The following CPNE8 variants were observed in gnomAD, a reference collection of about 807,000 sequenced individuals.
CPNE8 encodes copine-8.
Under a neutral mutation model 81.5 loss-of-function variants are expected in CPNE8, and 45 were observed. The observed-to-expected ratio is 0.55, with a 90% CI of 0.44 to 0.71. CPNE8 has a LOEUF of 0.71. Among genes scored for constraint, CPNE8 ranks in the 30% least tolerant of loss-of-function variants. The pLI, the probability that CPNE8 is intolerant of heterozygous loss-of-function variation, is 0.00. For synonymous variants in CPNE8, 252 were observed against 226.3 expected (o/e 1.11, Z -1.02); for missense variants, 594 against 672.1 (o/e 0.88, Z 1.28).
intron 16 of CPNE8, among the ~76,000 whole-genome samples, chr12:38,683,779 T>C (rs1037580759): frequency 2.0e-5 from 3 of 152,056 alleles, no homozygotes; most frequent in African/African-American, 7.2e-5. Flanking sequence ...ATGTAAAAAA[T>C]AATAAAGAAT....
At chr12:38,702,145 G>GA (rs775058882) in intron 14 of CPNE8, among the ~76,000 whole-genome samples, 9 of 151,354 alleles carry the variant, frequency 5.9e-5, no homozygotes, top group Non-Finnish European at 7.4e-5. Context: ...CCATTTGAAA[G>GA]AAAAAAAAGA....
intron 1 of CPNE8, among the ~76,000 whole-genome samples, chr12:38,881,822 A>G (rs1330671529): frequency 6.6e-6 from 1 of 152,220 alleles, no homozygotes; most frequent in Non-Finnish European, 1.5e-5. Context: ...AACTCAGGGT[A>G]ATGCAAGCTT....
At chr12:38,709,974 A>T (rs1003505719) in intron 13 of CPNE8, among the ~76,000 whole-genome samples, 1 of 152,162 alleles carries the variant, frequency 6.6e-6, no homozygotes, top group Non-Finnish European at 1.5e-5. Context: ...TGTCAAAAGT[A>T]ACAATAAAAA....
At chr12:38,758,134 C>A (rs555308822) in intron 10 of CPNE8, among the ~76,000 whole-genome samples, 20 of 138,606 alleles carry the variant, frequency 1.4e-4, no homozygotes, top group African/African-American at 5.1e-4. Context: ...TGGCACAAAT[C>A]ATCTGTGAAC....
intron 1 of CPNE8, among the ~76,000 whole-genome samples, chr12:38,901,729 A>G (rs1342352125): frequency 6.6e-6 from 1 of 152,132 alleles, no homozygotes; most frequent in East Asian, 1.9e-4. Context: ...TTAAGTGGCT[A>G]TAAATTTAAC....
At chr12:38,685,694 T>A in intron 15 of CPNE8, 77 bp from the exon 16 acceptor site, 2 of 1,482,306 alleles carry the variant, frequency 1.3e-6, no homozygotes, top group Non-Finnish European at 1.8e-6. Context: ...TTGAAAGAGA[T>A]GAGAATAATA....
chr12:38,710,006 A>G (rs896177632), intron 13 of CPNE8, among the ~76,000 whole-genome samples: 2 of 152,118 alleles, frequency 1.3e-5, no homozygotes, highest in Non-Finnish European at 2.9e-5. Flanking sequence ...GACAAGAGAT[A>G]TGATCCCTCA....
intron 19 of CPNE8, among the ~76,000 whole-genome samples, chr12:38,662,310 A>G (rs1218776653): frequency 2.0e-5 from 3 of 152,202 alleles, no homozygotes; most frequent in Admixed American, 1.3e-4. Context: ...CAGAAAAGTC[A>G]TAAGATACAA....
chr12:38,798,528 C>T (rs1459937505), intron 6 of CPNE8, among the ~76,000 whole-genome samples: 2 of 151,884 alleles, frequency 1.3e-5, no homozygotes, highest in Non-Finnish European at 2.9e-5. Context: ...CAGGCCTGCC[C>T]TAAAAGAGCT....
At chr12:38,675,622 T>G in intron 18 of CPNE8, 95 bp downstream of exon 18, 1 of 797,706 alleles carries the variant, frequency 1.3e-6, no homozygotes. Flanking sequence ...CACAGTCACA[T>G]CCTTCTAAAG....
intron 15 of CPNE8, among the ~76,000 whole-genome samples, chr12:38,690,474 T>A (rs912744430): frequency 6.6e-6 from 1 of 152,176 alleles, no homozygotes; most frequent in African/African-American, 2.4e-5. Flanking sequence ...ACATAATCAT[T>A]GTTGTTTTCA....
chr12:38,858,872 A>G (rs1242969392), intron 3 of CPNE8, among the ~76,000 whole-genome samples: 1 of 152,242 alleles, frequency 6.6e-6, no homozygotes, highest in African/African-American at 2.4e-5. Context: ...TACCATGACC[A>G]TCTCAATAGA....
At chr12:38,678,850 A>G (rs1033058457) in intron 16 of CPNE8, among the ~76,000 whole-genome samples, 1 of 151,882 alleles carries the variant, frequency 6.6e-6, no homozygotes, top group Non-Finnish European at 1.5e-5. Context: ...CTATAGAATT[A>G]AAAATATCCC....
chr12:38,830,686 A>C (rs1392148488), intron 5 of CPNE8, among the ~76,000 whole-genome samples: 2 of 152,236 alleles, frequency 1.3e-5, no homozygotes, highest in African/African-American at 4.8e-5. Context: ...CAGTATACTA[A>C]ATAAACAAAT....
intron 1 of CPNE8, among the ~76,000 whole-genome samples, chr12:38,895,818 G>A (rs556582464): frequency 6.6e-6 from 1 of 152,194 alleles, no homozygotes; most frequent in Non-Finnish European, 1.5e-5. Flanking sequence ...CGACAATAAA[G>A]AATTTATGGA....
intron 13 of CPNE8, among the ~76,000 whole-genome samples, chr12:38,714,950 G>T (rs1017665648): frequency 6.6e-6 from 1 of 152,054 alleles, no homozygotes; most frequent in Non-Finnish European, 1.5e-5. Context: ...TGAAGGAAAA[G>T]ATATTAAAAG....
chr12:38,819,333 G>C (rs1592118119), intron 6 of CPNE8, among the ~76,000 whole-genome samples: 1 of 152,090 alleles, frequency 6.6e-6, no homozygotes, highest in African/African-American at 2.4e-5. Flanking sequence ...AAGGGATCCA[G>C]TTTCAGTTTT....
chr12:38,830,141 G>A (rs1943260986), intron 5 of CPNE8, among the ~76,000 whole-genome samples: 1 of 152,028 alleles, frequency 6.6e-6, no homozygotes, highest in Non-Finnish European at 1.5e-5. Context: ...TTATTTTCAA[G>A]ACTCAGAATA....
chr12:38,839,612 G>A (rs1277981471), intron 5 of CPNE8, among the ~76,000 whole-genome samples: 1 of 151,830 alleles, frequency 6.6e-6, no homozygotes, highest in Non-Finnish European at 1.5e-5. Context: ...AAAGACACTT[G>A]CAATTTCATC....
Sources: gnomAD v4.1 joint callset for allele counts (sites outside exome capture counted in the v4.1 genomes callset) on GRCh38, gnomAD v4.1.1 for gene constraint, MANE v1.5 for transcripts, NCBI Gene and HGNC (gene_info 2026-07-23, HGNC 2026-07-21) for gene names.